The following METTL24 variants were observed in gnomAD, a reference collection of about 807,000 sequenced individuals.
METTL24 encodes the protein probable methyltransferase-like protein 24.
METTL24 carries 29 observed loss-of-function variants against 32.7 expected under a neutral mutation model. The observed-to-expected ratio is 0.89, with a 90% CI of 0.66 to 1.21. The LOEUF (loss-of-function observed/expected upper bound fraction) is 1.21, where lower values mean the gene tolerates loss of function less well. METTL24 is among the 50% of genes most tolerant of loss of function. The pLI, the probability that METTL24 is intolerant of heterozygous loss-of-function variation, is 0.00. For missense variants in METTL24, 439 were observed against 468.1 expected (o/e 0.94, Z 0.57); for synonymous variants, 163 against 179.5 (o/e 0.91, Z 0.73).
chr6:110,357,445 G>A (rs562823932), intron 1 of METTL24: 1 of 152,386 alleles, frequency 6.6e-6, no homozygotes, highest in South Asian at 2.1e-4. Context: ...TGAGACTCCA[G>A]GGAAATTCGG....
chr6:110,278,026 A>G (rs1006871308), intron 4 of METTL24, among the ~76,000 whole-genome samples: 2 of 152,172 alleles, frequency 1.3e-5, no homozygotes, highest in African/African-American at 4.8e-5. Context: ...TGTTATTGTC[A>G]GGGAGAGGCA....
rs542047626 is a variant in METTL24, at chr6:110,324,278, C to T, written c.319-1406G>A. Among the ~76,000 whole-genome samples the T allele has an allele frequency of 2.2e-3, 338 of 152,312 alleles. 1 individual carries two copies. The highest frequency in any genetic ancestry group is 3.3e-3 in the Non-Finnish European group (222 of 68,020). Reference sequence around the variant, plus strand: ...CTGTAGAGCCCACAGTCTCACATCCCCACAGCCTGTACTACCCTTGTGGGG... The same window carrying T: ...CTGTAGAGCCCACAGTCTCACATCCTCACAGCCTGTACTACCCTTGTGGGG... On this transcript the variant is annotated intron_variant, in intron 1 of 4. Coordinates refer to ENST00000338882, the MANE Select transcript of METTL24 (RefSeq NM_001123364.3).
At chr6:110,335,563 A>ATTTTTTTTTTTT (rs1562241070) in intron 1 of METTL24, among the ~76,000 whole-genome samples, 1 of 113,634 alleles carries the variant, frequency 8.8e-6, no homozygotes. Flanking sequence ...GTAGGGAATC[A>ATTTTTTTTTTTT]TTGTTTTTTT....
chr6:110,351,193 C>G (rs1772595001), intron 1 of METTL24, among the ~76,000 whole-genome samples: 1 of 152,032 alleles, frequency 6.6e-6, no homozygotes, highest in Non-Finnish European at 1.5e-5. Context: ...AGGGTAAGAC[C>G]CTGTCTCTAA....
intron 2 of METTL24, among the ~76,000 whole-genome samples, chr6:110,316,011 G>C (rs1015258281): frequency 3.3e-5 from 5 of 152,164 alleles, no homozygotes; most frequent in Non-Finnish European, 5.9e-5. Flanking sequence ...AGATAAGGTG[G>C]GGCCACTAAG....
chr6:110,317,398 G>T (rs1479150505), intron 2 of METTL24, among the ~76,000 whole-genome samples: 1 of 152,176 alleles, frequency 6.6e-6, no homozygotes, highest in East Asian at 1.9e-4. Context: ...TAAGGGAAGA[G>T]AAGTTGCTAA....
At chr6:110,303,574 C>A (rs990267387) in intron 3 of METTL24, among the ~76,000 whole-genome samples, 8 of 152,272 alleles carry the variant, frequency 5.3e-5, no homozygotes, top group African/African-American at 1.9e-4. Context: ...CAGAGCCCAC[C>A]ACGGCGCCTC....
rs955373492 is a variant in METTL24 at position 110,245,187 on chromosome 6, T to C, written c.*759A>G. On this transcript the variant is annotated 3_prime_UTR_variant, in exon 5 of 5. Coordinates refer to ENST00000338882, the MANE Select transcript of METTL24 (RefSeq NM_001123364.3). Reference sequence around the variant, plus strand: ...ATCAGATTCTTCACCTCAGTGTAAGTGGACCTCATTCAACCAGTTGAAGGC... The same window carrying C: ...ATCAGATTCTTCACCTCAGTGTAAGCGGACCTCATTCAACCAGTTGAAGGC... 3.9e-5 allele frequency among the ~76,000 whole-genome samples: 6 copies of C among 152,226 alleles called. No individual in the cohort carries two copies. Among genetic ancestry groups the C allele is most frequent in the African/African-American group, 9.6e-5 (4 of 41,458 alleles).
intron 1 of METTL24, among the ~76,000 whole-genome samples, chr6:110,332,871 T>C (rs1406885969): frequency 6.7e-6 from 1 of 149,508 alleles, no homozygotes; most frequent in Non-Finnish European, 1.5e-5. Flanking sequence ...GTTGCAACAC[T>C]GCACTCTAGC....
At chr6:110,337,602 C>T (rs1447647274) in intron 1 of METTL24, among the ~76,000 whole-genome samples, 6 of 152,124 alleles carry the variant, frequency 3.9e-5, no homozygotes, top group Non-Finnish European at 1.5e-5. Context: ...AAGGACAAGT[C>T]AGTGTCAAGA....
intron 1 of METTL24, among the ~76,000 whole-genome samples, chr6:110,328,055 T>C (rs59738433): frequency 0.098 from 14,920 of 152,244 alleles, 1,997 homozygotes; most frequent in African/African-American, 0.3. Flanking sequence ...TCTGTTTGTC[T>C]GTCCCCAGGA....
chr6:110,304,855 T>G (rs1771600083), intron 3 of METTL24, among the ~76,000 whole-genome samples: 1 of 151,982 alleles, frequency 6.6e-6, no homozygotes, highest in Admixed American at 6.6e-5. Flanking sequence ...CACATAATCA[T>G]CAGATTCACC....
intron 4 of METTL24, among the ~76,000 whole-genome samples, chr6:110,285,196 T>C (rs1221673781): frequency 6.6e-6 from 1 of 152,230 alleles, no homozygotes; most frequent in Non-Finnish European, 1.5e-5. Context: ...TTCCTTCTAA[T>C]AGTGTGCTGT....
At chr6:110,250,537 A>T (rs1778258339) in intron 4 of METTL24, among the ~76,000 whole-genome samples, 1 of 151,882 alleles carries the variant, frequency 6.6e-6, no homozygotes, top group South Asian at 2.1e-4. Flanking sequence ...TTTGGGGGAG[A>T]CACAATTCAA....
intron 4 of METTL24, among the ~76,000 whole-genome samples, chr6:110,278,102 A>T (rs2114714648): frequency 6.6e-6 from 1 of 152,310 alleles, no homozygotes; most frequent in Non-Finnish European, 1.5e-5. Flanking sequence ...TAACAACACT[A>T]TTGACCAAAT....
chr6:110,292,836 C>A (rs758898498), intron 4 of METTL24, among the ~76,000 whole-genome samples: 5 of 151,762 alleles, frequency 3.3e-5, no homozygotes, highest in Non-Finnish European at 7.4e-5. Flanking sequence ...AAATAAATAT[C>A]CATAATTTTA....
chr6:110,333,302 G>A (rs937964114), intron 1 of METTL24, among the ~76,000 whole-genome samples: 1 of 152,128 alleles, frequency 6.6e-6, no homozygotes, highest in East Asian at 1.9e-4. Context: ...GGAAATGGGG[G>A]TTGGCAGAGG....
chr6:110,298,556 T>A (rs1284998065), intron 4 of METTL24, among the ~76,000 whole-genome samples: 1 of 152,206 alleles, frequency 6.6e-6, no homozygotes, highest in Non-Finnish European at 1.5e-5. Flanking sequence ...CCCCGATTTT[T>A]TTTTTTGTAT....
At chr6:110,352,390 T>TA (rs1353846208) in intron 1 of METTL24, among the ~76,000 whole-genome samples, 1 of 152,178 alleles carries the variant, frequency 6.6e-6, no homozygotes, top group Non-Finnish European at 1.5e-5. Context: ...CATATAAAGA[T>TA]ATTTATGTTC....
Sources: allele counts gnomAD v4.1 joint callset (sites outside exome capture counted in the v4.1 genomes callset), GRCh38; gene constraint gnomAD v4.1.1; transcripts MANE v1.5; gene names NCBI Gene and HGNC (gene_info 2026-07-23, HGNC 2026-07-21).